IGF2BP2: variants seen among roughly 807,000 people sequenced by gnomAD.
The protein encoded by IGF2BP2 is insulin-like growth factor 2 mRNA-binding protein 2.
IGF2BP2 carries 17 observed loss-of-function variants against 75.8 expected under a neutral mutation model. That is an observed-to-expected ratio of 0.22 (90% CI 0.15 to 0.34). The LOEUF (loss-of-function observed/expected upper bound fraction) is 0.34. Among genes scored for constraint, IGF2BP2 ranks in the 10% least tolerant of loss-of-function variants. The pLI, the probability that IGF2BP2 is intolerant of heterozygous loss-of-function variation, is 1.00. For synonymous variants in IGF2BP2, 288 were observed against 295.6 expected, an observed-to-expected ratio of 0.97 and a Z score of 0.26; for missense variants, 516 against 772.4, an observed-to-expected ratio of 0.67 and a Z score of 3.93.
chr3:185,653,843 T>C (rs958882202), intron 12 of IGF2BP2, among the ~76,000 whole-genome samples: 2 of 152,220 alleles, frequency 1.3e-5, no homozygotes, highest in African/African-American at 4.8e-5. Flanking sequence ...GCACCAATCC[T>C]GAGTCTAGGT....
chr3:185,674,604 G>A (rs761316303), intron 9 of IGF2BP2, among the ~76,000 whole-genome samples: 34 of 152,182 alleles, frequency 2.2e-4, no homozygotes, highest in Non-Finnish European at 4.4e-4. Flanking sequence ...CAATCTAAAA[G>A]TGCAGATCAG....
intron 2 of IGF2BP2, among the ~76,000 whole-genome samples, chr3:185,730,325 TACC>T (rs1727973291): frequency 1.3e-5 from 2 of 152,132 alleles, no homozygotes; most frequent in African/African-American, 4.8e-5. Flanking sequence ...GGTATATTTA[TACC>T]ACCTTTTCTT....
At chr3:185,739,683 T>G (rs1227623119) in intron 2 of IGF2BP2, among the ~76,000 whole-genome samples, 1 of 152,112 alleles carries the variant, frequency 6.6e-6, no homozygotes, top group African/African-American at 2.4e-5. Context: ...CTTCTCTTTC[T>G]GTCTAGCCCC....
At chr3:185,699,407 T>C (rs956844460) in intron 2 of IGF2BP2, among the ~76,000 whole-genome samples, 2 of 152,146 alleles carry the variant, frequency 1.3e-5, no homozygotes, top group African/African-American at 4.8e-5. Context: ...CAAGATCAGA[T>C]TTAGTTGCCC....
chr3:185,807,140 T>C (rs1739131510), intron 2 of IGF2BP2, among the ~76,000 whole-genome samples: 1 of 152,130 alleles, frequency 6.6e-6, no homozygotes, highest in African/African-American at 2.4e-5. Context: ...AGGGCAGTGT[T>C]TTAAAATTTT....
At position 185,794,328 on chromosome 3, in the gene IGF2BP2, C is replaced by A. The variant is rs1737052995; in HGVS notation, c.239+28825G>T. 1.5e-5 allele frequency among the ~76,000 whole-genome samples: 2 copies of A among 131,290 alleles called. 1 individual carries two copies. Among genetic ancestry groups the A allele is most frequent in the Admixed American group, 1.4e-4 (2 of 13,950 alleles). The allele number at this position is 131,290 out of a possible 152,430, so 86.1% of individuals were successfully genotyped here. ...ACAGGTGTGTCTGGCTCCTTATCCT[C>A]ACACAGGCAGTTGTTCCTAAATATT... is the stretch of plus-strand genomic sequence containing the variant. On this transcript the variant is annotated intron_variant, in intron 2 of 15. Transcript: ENST00000382199.
intron 2 of IGF2BP2, chr3:185,716,617 G>A (rs1427733968): frequency 3.8e-6 from 2 of 519,890 alleles, no homozygotes; most frequent in Admixed American, 3.9e-5. Context: ...TTCTTCGGGG[G>A]CAGGTAGGGA....
chr3:185,823,837 T>G (rs1741677911), intron 1 of IGF2BP2, among the ~76,000 whole-genome samples: 1 of 151,232 alleles, frequency 6.6e-6, no homozygotes, highest in South Asian at 2.1e-4. Context: ...GAGCGTGTGC[T>G]GGGGAGAGTT....
intron 14 of IGF2BP2, among the ~76,000 whole-genome samples, chr3:185,648,085 G>A (rs886099910): frequency 4.6e-5 from 7 of 152,148 alleles, no homozygotes; most frequent in Non-Finnish European, 5.9e-5. Flanking sequence ...ATTCCACACC[G>A]CTTCGTTCTT....
At chr3:185,789,378 ATTCT>A (rs896341586) in intron 2 of IGF2BP2, among the ~76,000 whole-genome samples, 1 of 152,122 alleles carries the variant, frequency 6.6e-6, no homozygotes, top group African/African-American at 2.4e-5. Context: ...GCCAGTGACC[ATTCT>A]TCCCTGGGAT....
At chr3:185,671,397 T>G (rs1718480684) in intron 10 of IGF2BP2, among the ~76,000 whole-genome samples, 1 of 151,452 alleles carries the variant, frequency 6.6e-6, no homozygotes, top group South Asian at 2.1e-4. Flanking sequence ...ATTAGCTGGG[T>G]GTGGTGATGC....
chr3:185,651,509 C>A (rs774009918), intron 13 of IGF2BP2, among the ~76,000 whole-genome samples: 39 of 152,308 alleles, frequency 2.6e-4, no homozygotes, highest in Middle Eastern at 3.4e-3. Flanking sequence ...CCTGCTGCCC[C>A]TGGCTGAGGC....
At position 185,657,322 on chromosome 3, in the gene IGF2BP2, G is replaced by T; in HGVS notation, c.1350C>A (p.Ile450=). 6.2e-7 allele frequency: 1 copy of T among 1,614,010 alleles called. No homozygotes were observed. The highest frequency in any genetic ancestry group is 1.1e-5 in the South Asian group (1 of 91,030). The part of the protein sequence containing the change: ...GAIIGKKGAH[I]KQLARFAGAS... ...CTCCGGCGAATCTCGCCAGCTGTTT[G>T]ATGTGTGCCCCCTTCTTCCCGATGA... is the stretch of plus-strand genomic sequence containing the variant. The change falls in exon 12 of 16, where the codon ATC becomes ATA. Residue 450 remains isoleucine (I), a synonymous_variant. Transcript: ENST00000382199.
intron 7 of IGF2BP2, 44 bp from the exon 8 acceptor site, chr3:185,675,957 C>G: frequency 6.3e-7 from 1 of 1,592,772 alleles, no homozygotes; most frequent in Non-Finnish European, 8.5e-7. Flanking sequence ...ATACGTATAA[C>G]GGTTGTCTCC....
chr3:185,786,226 C>A (rs1025361365), intron 2 of IGF2BP2, among the ~76,000 whole-genome samples: 1 of 152,188 alleles, frequency 6.6e-6, no homozygotes, highest in African/African-American at 2.4e-5. Context: ...TTCACTCCCC[C>A]CAAGAATCAA....
chr3:185,738,376 T>G (rs1729119848), intron 2 of IGF2BP2, among the ~76,000 whole-genome samples: 1 of 152,204 alleles, frequency 6.6e-6, no homozygotes, highest in Non-Finnish European at 1.5e-5. Flanking sequence ...TATAGAGCAC[T>G]GTGGGCAGAG....
intron 2 of IGF2BP2, among the ~76,000 whole-genome samples, chr3:185,781,929 G>A (rs1735258234): frequency 6.6e-6 from 1 of 152,048 alleles, no homozygotes; most frequent in Admixed American, 6.6e-5. Flanking sequence ...GGAGTTCATA[G>A]TATGACTAAG....
chr3:185,769,367 A>T (rs71320320), intron 2 of IGF2BP2, among the ~76,000 whole-genome samples: 52,496 of 150,970 alleles, frequency 0.35, 9,287 homozygotes, highest in African/African-American at 0.38. Context: ...AATTTTTTTT[A>T]AAAAAAAGGT....
At chr3:185,739,503 AGCCT>A (rs1487604363) in intron 2 of IGF2BP2, among the ~76,000 whole-genome samples, 1 of 152,192 alleles carries the variant, frequency 6.6e-6, no homozygotes, top group African/African-American at 2.4e-5. Context: ...TCTAAATGAC[AGCCT>A]GGCTTTCTCC....
Sources: gnomAD v4.1 joint callset for allele counts (sites outside exome capture counted in the v4.1 genomes callset) on GRCh38, gnomAD v4.1.1 for gene constraint, MANE v1.5 for transcripts, NCBI Gene and HGNC (gene_info 2026-07-23, HGNC 2026-07-21) for gene names.